Variants in CCNY observed in about 807,000 individuals in gnomAD.
CCNY encodes the protein cyclin Y.
In CCNY, 19 loss-of-function variants were observed where a neutral mutation model predicts 42.8. The ratio of observed to expected loss-of-function variants is 0.44; its 90% CI spans 0.31 to 0.65. The LOEUF is 0.65. Ranked by LOEUF, CCNY falls within the 30% of genes least tolerant of loss-of-function variation. The pLI is 0.07. For synonymous variants in CCNY, 165 were observed against 162.7 expected (o/e 1.01, Z -0.11); for missense variants, 370 against 437.3 (o/e 0.85, Z 1.37).
intron 2 of CCNY, among the ~76,000 whole-genome samples, chr10:35,250,083 G>A (rs2095710812): frequency 6.6e-6 from 1 of 151,708 alleles, no homozygotes. Context: ...AGTCCCAGCT[G>A]CTGGGGAGGC....
At chr10:35,474,073 A>G (rs2135349761) in intron 1 of CCNY, among the ~76,000 whole-genome samples, 1 of 152,338 alleles carries the variant, frequency 6.6e-6, no homozygotes, top group Middle Eastern at 3.4e-3. Context: ...CCACCCGAAT[A>G]CTGCGCTTTT....
chr10:35,401,810 G>A (rs1330576762), intron 1 of CCNY, among the ~76,000 whole-genome samples: 5 of 152,110 alleles, frequency 3.3e-5, no homozygotes, highest in South Asian at 4.1e-4. Context: ...TCTCAAGGGC[G>A]GGGAGAATTA....
At chr10:35,453,163 C>T (rs1344939012) in intron 1 of CCNY, among the ~76,000 whole-genome samples, 1 of 152,140 alleles carries the variant, frequency 6.6e-6, no homozygotes, top group Non-Finnish European at 1.5e-5. Context: ...TCTCAAACTT[C>T]TGGGCTTAAG....
chr10:35,259,672 G>GTTTTTTTTT (rs1202854456), intron 3 of CCNY, among the ~76,000 whole-genome samples: 1 of 86,348 alleles, frequency 1.2e-5, no homozygotes, highest in Non-Finnish European at 2.1e-5. Context: ...CTGGCTAATT[G>GTTTTTTTTT]TTTTTTTTTT....
intron 3 of CCNY, among the ~76,000 whole-genome samples, chr10:35,284,867 T>C (rs534549785): frequency 3.9e-5 from 6 of 152,166 alleles, no homozygotes; most frequent in Non-Finnish European, 7.3e-5. Flanking sequence ...ACTTCCTCTT[T>C]GATCCATGAA....
intron 3 of CCNY, among the ~76,000 whole-genome samples, chr10:35,309,845 G>C (rs1314573668): frequency 6.6e-6 from 1 of 151,944 alleles, no homozygotes. Context: ...TGTCGCCCAG[G>C]CTGGAGTGCA....
chr10:35,362,301 A>G (rs1171228484), intron 1 of CCNY, among the ~76,000 whole-genome samples: 1 of 152,226 alleles, frequency 6.6e-6, no homozygotes, highest in Admixed American at 6.5e-5. Flanking sequence ...GCAAGGTGGA[A>G]CAGGTGACTT....
At chr10:35,529,868 T>C in intron 5 of CCNY, 105 bp from the exon 6 acceptor site, 1 of 1,056,798 alleles carries the variant, frequency 9.5e-7, no homozygotes, top group Middle Eastern at 2.8e-4. Context: ...AGACTCCGTA[T>C]CCCAAAAAAA....
At chr10:35,500,021 T>C (rs1417501023) in intron 2 of CCNY, among the ~76,000 whole-genome samples, 3 of 152,258 alleles carry the variant, frequency 2.0e-5, no homozygotes, top group Non-Finnish European at 2.9e-5. Context: ...ATGGTTTTCA[T>C]GTGGATTCTT....
At chr10:35,284,047 G>A (rs1285643903) in intron 3 of CCNY, among the ~76,000 whole-genome samples, 2 of 152,066 alleles carry the variant, frequency 1.3e-5, no homozygotes, top group Non-Finnish European at 2.9e-5. Context: ...TCGGGTCAAT[G>A]CACTCCAGCC....
intron 3 of CCNY, among the ~76,000 whole-genome samples, chr10:35,324,215 C>A (rs547439271): frequency 1.3e-5 from 2 of 152,258 alleles, no homozygotes; most frequent in East Asian, 1.9e-4. Flanking sequence ...GCAATGAGAG[C>A]TTTACAGTAC....
chr10:35,446,110 A>G (rs1838784592), intron 1 of CCNY, among the ~76,000 whole-genome samples: 1 of 152,194 alleles, frequency 6.6e-6, no homozygotes. Flanking sequence ...GAAATTTGGG[A>G]CTTGGACTGT....
chr10:35,398,738 C>T (rs1166353255), intron 1 of CCNY, among the ~76,000 whole-genome samples: 1 of 152,146 alleles, frequency 6.6e-6, no homozygotes, highest in Non-Finnish European at 1.5e-5. Context: ...GTAAAGTGAC[C>T]AGTTAAGTAA....
chr10:35,384,074 C>G (rs192420125), intron 1 of CCNY, among the ~76,000 whole-genome samples: 15 of 152,138 alleles, frequency 9.9e-5, no homozygotes, highest in Admixed American at 3.3e-4. Context: ...ACTCCCTCAC[C>G]ATAAATTCTG....
intron 1 of CCNY, among the ~76,000 whole-genome samples, chr10:35,465,341 C>T (rs1486581725): frequency 2.6e-5 from 4 of 152,150 alleles, no homozygotes; most frequent in Admixed American, 2.6e-4. Context: ...CATTGTTGCT[C>T]TGATCGTCCT....
At chr10:35,304,305 T>TA (rs1835578808) in intron 3 of CCNY, among the ~76,000 whole-genome samples, 1 of 51,552 alleles carries the variant, frequency 1.9e-5, no homozygotes, top group Non-Finnish European at 3.5e-5. Context: ...TTTTTTTTTT[T>TA]TTTTTATTTT....
intron 7 of CCNY, among the ~76,000 whole-genome samples, chr10:35,531,765 A>G (rs562737024): frequency 6.6e-6 from 1 of 152,316 alleles, no homozygotes; most frequent in African/African-American, 2.4e-5. Context: ...TAAGAAAAAT[A>G]TGGCCTGGCT....
intron 8 of CCNY, among the ~76,000 whole-genome samples, chr10:35,563,330 A>G (rs966307039): frequency 1.3e-5 from 2 of 152,194 alleles, no homozygotes; most frequent in South Asian, 4.1e-4. Flanking sequence ...GCCTTGTTCA[A>G]AAGCAGCTTC....
At chr10:35,262,459 A>G (rs944870883) in intron 3 of CCNY, among the ~76,000 whole-genome samples, 2 of 151,484 alleles carry the variant, frequency 1.3e-5, no homozygotes, top group African/African-American at 4.9e-5. Flanking sequence ...CCTGGGTTCA[A>G]GCAATTCTCT....
Sources: gnomAD v4.1 joint callset for allele counts (sites outside exome capture counted in the v4.1 genomes callset) on GRCh38, gnomAD v4.1.1 for gene constraint, MANE v1.5 for transcripts, NCBI Gene and HGNC (gene_info 2026-07-23, HGNC 2026-07-21) for gene names.